CAND2: variants seen among roughly 807,000 people sequenced by gnomAD.
CAND2 encodes cullin-associated NEDD8-dissociated protein 2.
CAND2 carries 62 observed loss-of-function variants against 98.9 expected under a neutral mutation model. That is an observed-to-expected ratio of 0.63 (90% CI 0.51 to 0.77). The LOEUF (loss-of-function observed/expected upper bound fraction) is 0.77. CAND2 is among the 30% of genes least tolerant of loss of function. CAND2 has a pLI of 0.00. For synonymous variants in CAND2, 770 were observed against 731.9 expected (o/e 1.05, Z -0.84); for missense variants, 1,501 against 1,655.2 (o/e 0.91, Z 1.62).
intron 5 of CAND2, among the ~76,000 whole-genome samples, chr3:12,811,592 G>A (rs1329085732): frequency 6.6e-6 from 1 of 152,176 alleles, no homozygotes; most frequent in African/African-American, 2.4e-5. Context: ...ATTTTTTTGA[G>A]ACGGAGTCTC....
chr3:12,824,076 C>T (rs1218170330), intron 11 of CAND2, among the ~76,000 whole-genome samples: 1 of 152,030 alleles, frequency 6.6e-6, no homozygotes, highest in East Asian at 1.9e-4. Context: ...GAGGCTGAGG[C>T]AGAAGGATCA....
Position 12,807,163 on chromosome 3 carries a change from T to C in CAND2, c.213-143T>C, listed in dbSNP as rs543570272. 1.3e-5 allele frequency: 9 copies of C among 687,646 alleles called. No homozygotes were observed. In the East Asian group the frequency reaches 2.6e-4, roughly 20 times the overall value. The allele number at this position is 687,646 out of a possible 1,614,324, so 42.6% of individuals were successfully genotyped here. A position where few individuals can be genotyped will look rare whatever the true frequency, so the allele number is the denominator to read the frequency against. On this transcript the variant is annotated intron_variant, in intron 2 of 14. Coordinates refer to ENST00000456430, the MANE Select transcript of CAND2 (RefSeq NM_001162499.2). ...TTGGCATAGCCAGAGAGTATCTCTT[T>C]CTGGCCAAACAGGGGCTCCCCTGAT... is the stretch of plus-strand genomic sequence containing the variant.
chr3:12,801,034 A>ATTTTT (rs372893921), intron 1 of CAND2, among the ~76,000 whole-genome samples: 1 of 100,752 alleles, frequency 9.9e-6, no homozygotes, highest in Non-Finnish European at 2.1e-5. Context: ...GGAAATCAGT[A>ATTTTT]TTTTTTTTTT....
At chr3:12,820,224 C>A in intron 11 of CAND2, 43 bp downstream of exon 11, 1 of 1,442,564 alleles carries the variant, frequency 6.9e-7, no homozygotes, top group Non-Finnish European at 9.7e-7. Context: ...TCAGTGCCCC[C>A]ACCCAGTCCT....
In CAND2 at chr3:12,816,466, G is replaced by C. The variant is rs773972938; in HGVS notation, c.1534G>C (p.Ala512Pro). The change falls in exon 10 of 15, where the codon GCT becomes CCT. Residue 512 changes from alanine (A) to proline (P), a missense_variant. Ala to Pro is a conservative substitution (Grantham distance 27). This residue lies in a region of CAND2 where 1,427 missense variants were observed against 1,545.3 expected (regional missense o/e 0.92). Coordinates refer to ENST00000456430, the MANE Select transcript of CAND2 (RefSeq NM_001162499.2). ...FLQGLLGTEPAEAFHPHLPIL... is the reference protein window; with the variant it reads ...FLQGLLGTEPPEAFHPHLPIL... The stretch of plus-strand genomic sequence containing the variant: ...GCAGGGGCTGCTGGGCACCGAACCA[G>C]CTGAGGCCTTCCACCCACACTTGCC... 6.2e-7 allele frequency: 1 copy of C among 1,613,972 alleles called. No individual in the cohort carries two copies. The highest frequency in any genetic ancestry group is 1.1e-5 in the South Asian group (1 of 91,080).
chr3:12,799,712 T>G (rs761131841), intron 1 of CAND2, among the ~76,000 whole-genome samples: 1 of 152,074 alleles, frequency 6.6e-6, no homozygotes, highest in African/African-American at 2.4e-5. Flanking sequence ...CCTCAGTGAG[T>G]GTACAGTCCA....
In CAND2 at chr3:12,815,775, TG is replaced by T; in HGVS notation, c.1300-88del. 8.0e-7 allele frequency: 1 copy of T among 1,242,658 alleles called. No homozygotes were observed. Among genetic ancestry groups the T allele is most frequent in the Non-Finnish European group, 1.1e-6 (1 of 872,418 alleles). 77.0% of individuals were successfully genotyped at this position (1,242,658 alleles called of 1,614,324 possible). On this transcript the variant is annotated intron_variant, in intron 8 of 14. Coordinates refer to ENST00000456430, the MANE Select transcript of CAND2 (RefSeq NM_001162499.2). This position sits in a 1 kb window ranked among gnomAD's most constrained non-coding sequence, Gnocchi z 5.7. The stretch of plus-strand genomic sequence containing the variant: ...GATATCTTGATGCCGACATCCTCCC[TG>T]GGGATGTGTCTGGCAAAGCCTCCTG...
At chr3:12,812,593 A>T (rs1423357403) in intron 5 of CAND2, among the ~76,000 whole-genome samples, 1 of 151,508 alleles carries the variant, frequency 6.6e-6, no homozygotes, top group East Asian at 1.9e-4. Context: ...TTTAGTAGAG[A>T]CGGGGTTTCA....
intron 11 of CAND2, among the ~76,000 whole-genome samples, chr3:12,823,729 CAA>C (rs56314808): frequency 0.43 from 63,031 of 146,500 alleles, 13,755 homozygotes; most frequent in Admixed American, 0.5. Flanking sequence ...GACTCCATCT[CAA>C]AAAAAAAAAC....
chr3:12,807,551 C>A, intron 3 of CAND2, 91 bp downstream of exon 3: 2 of 1,316,438 alleles, frequency 1.5e-6, no homozygotes, highest in Non-Finnish European at 2.1e-6. Flanking sequence ...AACACTGAGG[C>A]TCAGAGAGTT....
Position 12,816,641 on chromosome 3 carries a change from T to C in CAND2, c.1709T>C (p.Met570Thr). Residue 570 changes from methionine (M) to threonine (T), a missense_variant, in exon 10 of 15, where the codon ATG becomes ACG. Coordinates refer to ENST00000456430, the MANE Select transcript of CAND2 (RefSeq NM_001162499.2). ...MLDPEPYVGE[M>T]SAVTLARLRA... ...GATCCTGAGCCATATGTTGGAGAGA[T>C]GTCTGCTGTCACCCTGGCGCGACTT... 6.2e-7 allele frequency: 1 copy of C among 1,613,858 alleles called. No homozygotes were observed. The highest frequency in any genetic ancestry group is 8.5e-7 in the Non-Finnish European group (1 of 1,180,032).
intron 5 of CAND2, 36 bp downstream of exon 5, chr3:12,810,360 G>T: frequency 4.3e-6 from 6 of 1,401,862 alleles, no homozygotes; most frequent in Non-Finnish European, 5.5e-6. Context: ...GGCTGGCATG[G>T]TGGGCGGAGC....
Position 12,817,572 on chromosome 3 carries a change from A to G in CAND2, c.2640A>G (p.Ala880=). ...CACCCAGTGAGGATGTGAGGGCTGC[A>G]GCCTCGTATGCACTGGGCCGTGTGG... ...LGSPSEDVRA[A]ASYALGRVGA... Residue 880 remains alanine, a synonymous_variant, in exon 10 of 15, where the codon GCA becomes GCG. Transcript: ENST00000456430. The G allele has an allele frequency of 9.3e-6, 15 of 1,613,960 alleles. No individual in the cohort carries two copies. Among genetic ancestry groups the G allele is most frequent in the Non-Finnish European group, 1.3e-5 (15 of 1,180,020 alleles).
chr3:12,833,862 C>T lies in CAND2; in HGVS notation c.3591C>T (p.Ser1197=). 6 of 1,614,224 alleles carry T rather than the reference C, an allele frequency of 3.7e-6. No individual in the cohort carries two copies. The highest frequency in any genetic ancestry group is 5.1e-6 in the Non-Finnish European group (6 of 1,180,032). The change falls in exon 15 of 15, where the codon AGC becomes AGT. Residue 1197 remains serine, a synonymous_variant. Transcript: ENST00000456430. ...TGACCATCCCCGAGGTGGGGAAAAG[C>T]CCCATCATGGCCGACTTCTCTTCCC... is the stretch of plus-strand genomic sequence containing the variant. ...ALLTIPEVGK[S]PIMADFSSQI...
chr3:12,820,164 T>A lies in CAND2; in HGVS notation c.3023T>A (p.Leu1008His). The A allele has an allele frequency of 6.2e-7, 1 of 1,613,820 alleles. No individual in the cohort carries two copies. Among genetic ancestry groups the A allele is most frequent in the South Asian group, 1.1e-5 (1 of 91,076 alleles). The change falls in exon 11 of 15, where the codon CTC becomes CAC. Residue 1008 changes from leucine (L) to histidine (H), a missense_variant. Coordinates refer to ENST00000456430, the MANE Select transcript of CAND2 (RefSeq NM_001162499.2). ...GACCAGCCCCATCCCATTGACCCCC[T>A]CCTGAAGAGCTTCATCGGTGAGCAC... Reference protein sequence around the residue: ...ISDQPHPIDPLLKSFIGEFME... With the variant: ...ISDQPHPIDPHLKSFIGEFME...
In CAND2 at chr3:12,834,071, C is replaced by A; in HGVS notation, c.*89C>A. 2 of 1,090,042 alleles carry A rather than the reference C, an allele frequency of 1.8e-6. No homozygotes were observed. The highest frequency in any genetic ancestry group is 2.7e-6 in the Non-Finnish European group (2 of 731,654). The allele number at this position is 1,090,042 out of a possible 1,614,324, so 67.5% of individuals were successfully genotyped here. On this transcript the variant is annotated 3_prime_UTR_variant, in exon 15 of 15. Coordinates refer to ENST00000456430, the MANE Select transcript of CAND2 (RefSeq NM_001162499.2). ...CCCATCCCACCATCGCAGGTCTCTA[C>A]TTTTGCCCTTCCACCATCTCACTGG...
In CAND2 at chr3:12,815,970, C is replaced by G. The variant is rs1385772868; in HGVS notation, c.1403C>G (p.Pro468Arg). 4.3e-6 allele frequency: 7 copies of G among 1,613,842 alleles called. No individual in the cohort carries two copies. Among genetic ancestry groups the G allele is most frequent in the Admixed American group, 1.7e-5 (1 of 59,998 alleles). ...CTCACCGAGCTGGCGGGTGTCCTCC[C>G]AGGCAGCCTGGCCGAGCATATGCCT... ...SLLTELAGVLPGSLAEHMPVL... is the reference protein window; with the variant it reads ...SLLTELAGVLRGSLAEHMPVL... The change falls in exon 9 of 15, where the codon CCA becomes CGA. Residue 468 changes from proline (P) to arginine (R), a missense_variant. Pro to Arg is a moderately radical substitution (Grantham distance 103). This residue lies in a region of CAND2 where 1,427 missense variants were observed against 1,545.3 expected (regional missense o/e 0.92). Transcript: ENST00000456430. The surrounding 1 kb of genome is among the most constrained non-coding windows in gnomAD (Gnocchi z 5.7).
At chr3:12,799,823 T>A (rs2061753555) in intron 1 of CAND2, among the ~76,000 whole-genome samples, 1 of 152,090 alleles carries the variant, frequency 6.6e-6, no homozygotes, top group African/African-American at 2.4e-5. Context: ...CAGGGAACCA[T>A]TGTGCTTAGG....
At chr3:12,819,920 T>C (rs1200623891) in intron 10 of CAND2, among the ~76,000 whole-genome samples, 166 bp from the exon 11 acceptor site, 1 of 151,880 alleles carries the variant, frequency 6.6e-6, no homozygotes. Flanking sequence ...TGAGGGGAGA[T>C]TCAAGGCTGC....
Sources: gnomAD v4.1 joint callset for allele counts (sites outside exome capture counted in the v4.1 genomes callset) on GRCh38, gnomAD v4.1.1 for gene constraint, gnomAD v4.1.1 regional missense constraint, Gnocchi (gnomAD v3.1) non-coding constraint, MANE v1.5 for transcripts, NCBI Gene and HGNC (gene_info 2026-07-23, HGNC 2026-07-21) for gene names.